The following AUTS2 variants were observed in gnomAD, a reference collection of about 807,000 sequenced individuals.
AUTS2 encodes the protein autism susceptibility gene 2 protein.
Under a neutral mutation model 112.4 loss-of-function variants are expected in AUTS2, and 17 were observed. The observed-to-expected ratio is 0.15, with a 90% CI of 0.10 to 0.23. The LOEUF (loss-of-function observed/expected upper bound fraction) is 0.23. Ranked by LOEUF, AUTS2 falls within the 10% of genes least tolerant of loss-of-function variation. AUTS2 has a pLI of 1.00. For missense variants in AUTS2, 1,510 were observed against 1,701.6 expected, an observed-to-expected ratio of 0.89 and a Z score of 1.98; for synonymous variants, 751 against 702.7, an observed-to-expected ratio of 1.07 and a Z score of -1.09.
intron 1 of AUTS2, among the ~76,000 whole-genome samples, chr7:69,717,239 A>G (rs1798661341): frequency 6.6e-6 from 1 of 152,188 alleles, no homozygotes; most frequent in Non-Finnish European, 1.5e-5. Flanking sequence ...AGCCGCCTGC[A>G]TGGCTGTGTA....
At chr7:70,779,083 T>C (rs898778223) in intron 14 of AUTS2, among the ~76,000 whole-genome samples, 1 of 152,196 alleles carries the variant, frequency 6.6e-6, no homozygotes, top group Admixed American at 6.5e-5. Context: ...TGGCCCTAAG[T>C]TGTGGTTAAT....
At position 69,602,034 on chromosome 7, in the gene AUTS2, ATATATATGTGTGTGTGTGTGTG is replaced by A. The variant is rs1336964525; in HGVS notation, c.309+2074_309+2095del. On this transcript the variant is annotated intron_variant, in intron 1 of 18. Transcript: ENST00000342771. ...TATGTGTGTGTGTATATATATATATATATATATGTGTGTGTGTGTGTGTGTGTGTGTGTGTGTGTGTGTGTGT... is the reference window on the plus strand; with the variant it reads ...TATGTGTGTGTGTATATATATATATATGTGTGTGTGTGTGTGTGTGTGTGT... Among the ~76,000 whole-genome samples the A allele has an allele frequency of 2.8e-4, 37 of 131,258 alleles. 2 individuals carry two copies. The South Asian group carries it at 6.1e-3, about 22-fold the overall frequency. The allele number at this position is 131,258 out of a possible 152,430, so 86.1% of individuals were successfully genotyped here. A position where few individuals can be genotyped will look rare whatever the true frequency, so the allele number is the denominator to read the frequency against.
intron 6 of AUTS2, among the ~76,000 whole-genome samples, chr7:70,710,808 A>T (rs879278838): frequency 1.3e-5 from 2 of 152,258 alleles, no homozygotes; most frequent in Non-Finnish European, 2.9e-5. Context: ...AGAAGCTTAA[A>T]AAACAAATTC....
chr7:70,163,357 G>GGGGGGGGGGGGGGGT (rs1396459556), intron 4 of AUTS2, among the ~76,000 whole-genome samples: 1 of 67,498 alleles, frequency 1.5e-5, no homozygotes, highest in Non-Finnish European at 3.5e-5. Context: ...GGGGGGGGGG[G>GGGGGGGGGGGGGGGT]GCAGAGGGGG....
intron 2 of AUTS2, among the ~76,000 whole-genome samples, chr7:70,005,912 CGTT>C (rs1799526208): frequency 6.6e-6 from 1 of 152,054 alleles, no homozygotes; most frequent in Admixed American, 6.6e-5. Context: ...ATTTGATTAA[CGTT>C]GTATGCTAGT....
intron 5 of AUTS2, among the ~76,000 whole-genome samples, chr7:70,572,820 C>T (rs1276633535): frequency 1.3e-5 from 2 of 152,230 alleles, no homozygotes; most frequent in African/African-American, 2.4e-5. Flanking sequence ...TGGTCTGTTG[C>T]GGGCCTTTGC....
intron 5 of AUTS2, among the ~76,000 whole-genome samples, chr7:70,472,571 C>A (rs1048533513): frequency 6.6e-6 from 1 of 151,974 alleles, no homozygotes; most frequent in Non-Finnish European, 1.5e-5. Context: ...AAATTACCAG[C>A]CATTAAAAAT....
chr7:69,999,997 A>AT (rs1799112774), intron 2 of AUTS2, among the ~76,000 whole-genome samples: 1 of 152,138 alleles, frequency 6.6e-6, no homozygotes, highest in African/African-American at 2.4e-5. Context: ...GCACATGTGC[A>AT]TTTTGTGTAT....
intron 1 of AUTS2, among the ~76,000 whole-genome samples, chr7:69,821,162 A>G (rs921258541): frequency 3.3e-5 from 5 of 152,202 alleles, no homozygotes; most frequent in African/African-American, 1.2e-4. Flanking sequence ...TACTGGAGAG[A>G]GGGAACTGGA....
At chr7:69,932,006 A>G (rs1796245376) in intron 2 of AUTS2, among the ~76,000 whole-genome samples, 1 of 152,140 alleles carries the variant, frequency 6.6e-6, no homozygotes, top group South Asian at 2.1e-4. Context: ...CTCTCCGAAC[A>G]CACAAACTGT....
intron 1 of AUTS2, among the ~76,000 whole-genome samples, chr7:69,767,718 G>A (rs568936561): frequency 2.0e-5 from 3 of 152,286 alleles, no homozygotes; most frequent in South Asian, 2.1e-4. Context: ...GATCATTTGC[G>A]GATTCCAGCA....
chr7:70,389,265 A>G (rs1202303882), intron 4 of AUTS2, among the ~76,000 whole-genome samples: 1 of 152,152 alleles, frequency 6.6e-6, no homozygotes, highest in Non-Finnish European at 1.5e-5. Context: ...TGCAACTGAT[A>G]TTGGACCACC....
intron 4 of AUTS2, among the ~76,000 whole-genome samples, chr7:70,400,606 C>T (rs1422035857): frequency 2.6e-5 from 4 of 152,134 alleles, no homozygotes; most frequent in Non-Finnish European, 5.9e-5. Flanking sequence ...GCCTGATGTG[C>T]GACCATGCCA....
At chr7:69,933,908 C>T (rs1002030553) in intron 2 of AUTS2, among the ~76,000 whole-genome samples, 6 of 152,320 alleles carry the variant, frequency 3.9e-5, no homozygotes, top group Admixed American at 2.0e-4. Flanking sequence ...AGTCACAAAA[C>T]TCTTTCCGTA....
chr7:69,937,001 A>T (rs1328733737), intron 2 of AUTS2, among the ~76,000 whole-genome samples: 1 of 146,624 alleles, frequency 6.8e-6, no homozygotes, highest in East Asian at 2.0e-4. Context: ...CCTCCATCTT[A>T]CTTTCCCTTC....
Position 69,922,012 on chromosome 7 carries a change from C to T in AUTS2, c.522+22514C>T, listed in dbSNP as rs541661544. Among the ~76,000 whole-genome samples the T allele has an allele frequency of 7.9e-5, 12 of 151,960 alleles. No individual in the cohort carries two copies. In the East Asian group the frequency reaches 1.9e-3, roughly 25 times the overall value. On this transcript the variant is annotated intron_variant, in intron 2 of 18. Transcript: ENST00000342771. ...CTGGGAGGCAGAGGTTGCAGTGAGCCGAGATCACGCCATTGCACTCCAGCC... is the reference window on the plus strand; with the variant it reads ...CTGGGAGGCAGAGGTTGCAGTGAGCTGAGATCACGCCATTGCACTCCAGCC...
intron 5 of AUTS2, among the ~76,000 whole-genome samples, chr7:70,467,900 C>G (rs1003509368): frequency 6.6e-6 from 1 of 152,166 alleles, no homozygotes; most frequent in Non-Finnish European, 1.5e-5. Context: ...TAATTCTGTC[C>G]TGCTCCTTTC....
intron 1 of AUTS2, among the ~76,000 whole-genome samples, chr7:69,876,762 A>G (rs989459702): frequency 6.6e-6 from 1 of 151,848 alleles, no homozygotes; most frequent in Non-Finnish European, 1.5e-5. Context: ...TTTCCAGTAC[A>G]TTGACCTAGT....
chr7:70,547,379 C>T (rs891771729), intron 5 of AUTS2, among the ~76,000 whole-genome samples: 1 of 152,160 alleles, frequency 6.6e-6, no homozygotes, highest in African/African-American at 2.4e-5. Context: ...TTCAGCCTTC[C>T]AAGTAGCTGG....
Sources: allele counts gnomAD v4.1 joint callset (sites outside exome capture counted in the v4.1 genomes callset), GRCh38; gene constraint gnomAD v4.1.1; transcripts MANE v1.5; gene names NCBI Gene and HGNC (gene_info 2026-07-23, HGNC 2026-07-21).